SF3A1: variants seen among roughly 807,000 people sequenced by gnomAD.
SF3A1 encodes splicing factor 3a subunit 1, also known as SAP 114.
In SF3A1, 13 loss-of-function variants were observed where a neutral mutation model predicts 89.9. The observed-to-expected ratio is 0.14, with a 90% CI of 0.09 to 0.23. The LOEUF (loss-of-function observed/expected upper bound fraction) is 0.23, where lower values mean the gene tolerates loss of function less well. SF3A1 is among the 10% of genes least tolerant of loss of function. The probability of loss-of-function intolerance (pLI) is 1.00; values close to 1 mark genes in which losing one functional copy is unlikely to be tolerated. For missense variants in SF3A1, 604 were observed against 1,022.1 expected, an observed-to-expected ratio of 0.59 and a Z score of 5.58; for synonymous variants, 405 against 374.4, an observed-to-expected ratio of 1.08 and a Z score of -0.94.
chr22:30,342,490 A>C, intron 5 of SF3A1, 140 bp from the exon 6 acceptor site: 1 of 917,258 alleles, frequency 1.1e-6, no homozygotes, highest in Non-Finnish European at 1.6e-6. Context: ...TGGCATTTGC[A>C]CCTGGTTCCA....
Position 30,337,888 on chromosome 22 carries a change from G to T in SF3A1, c.1753C>A (p.Pro585Thr). 6.2e-7 allele frequency: 1 copy of T among 1,604,134 alleles called. No homozygotes were observed. Among genetic ancestry groups the T allele is most frequent in the Non-Finnish European group, 8.5e-7 (1 of 1,176,350 alleles). The change falls in exon 12 of 16, where the codon CCA becomes ACA. Residue 585 changes from proline to threonine, a missense_variant. Coordinates refer to ENST00000215793, the MANE Select transcript of SF3A1 (RefSeq NM_005877.6). ...GCGGAGACAACTGTAGTACGAACTG[G>T]AGGTGGCATCTGTGCAGGAAAGAGA... Reference protein sequence around the residue: ...SVPRPPTMPPPVRTTVVSAVP... With the variant: ...SVPRPPTMPPTVRTTVVSAVP...
intron 7 of SF3A1, among the ~76,000 whole-genome samples, chr22:30,341,228 C>A (rs543628240): frequency 6.6e-6 from 1 of 152,292 alleles, no homozygotes; most frequent in African/African-American, 2.4e-5. Context: ...AGGCTGTGCA[C>A]AAATTATTTC....
At position 30,337,705 on chromosome 22, in the gene SF3A1, TGGGGGGTG is replaced by T; in HGVS notation, c.1928_1935del (p.Pro643HisfsTer34). The T allele has an allele frequency of 2.6e-6, 1 of 391,642 alleles. No individual in the cohort carries two copies. Among genetic ancestry groups the T allele is most frequent in the Non-Finnish European group, 4.4e-6 (1 of 224,900 alleles). The allele number at this position is 391,642 out of a possible 1,614,324, so 24.3% of individuals were successfully genotyped here. A position where few individuals can be genotyped will look rare whatever the true frequency, so the allele number is the denominator to read the frequency against. On this transcript the variant is annotated frameshift_variant, in exon 12 of 16. Transcript: ENST00000215793. LOFTEE classifies it high-confidence loss of function. ...AGATACTGACCTGTTGGCACAATCA[TGGGGGGTG>T]GGCGGGGGGCCATAATAGGAGGGGC...
At chr22:30,341,126 C>T (rs1466993911) in intron 7 of SF3A1, among the ~76,000 whole-genome samples, 10 of 151,514 alleles carry the variant, frequency 6.6e-5, no homozygotes, top group Admixed American at 5.9e-4. Context: ...GGGGTGGGGG[C>T]GGCGAGTCGC....
At position 30,342,283 on chromosome 22, in the gene SF3A1, T is replaced by G; in HGVS notation, c.794A>C (p.Glu265Ala). 6.2e-7 allele frequency: 1 copy of G among 1,614,138 alleles called. No individual in the cohort carries two copies. Residue 265 changes from glutamate to alanine, a missense_variant, in exon 6 of 16, where the codon GAG becomes GCG. Glu to Ala is a moderately radical substitution (Grantham distance 107, BLOSUM62 -1). This residue lies in a region of SF3A1 where 6 missense variants were observed against 36.3 expected (regional missense o/e 0.17). Transcript: ENST00000215793. ...CTGAGCATAGGCCACCCGCTCCTTC[T>G]CCTTCTCCTCTTCTTCCTTCTTCCT... ...RERKKEEEEK[E>A]KERVAYAQID...
At chr22:30,342,931 AAG>A (rs767930563) in intron 4 of SF3A1, 52 bp from the exon 5 acceptor site, 1 of 1,194,560 alleles carries the variant, frequency 8.4e-7, no homozygotes, top group Non-Finnish European at 1.2e-6. Flanking sequence ...ACGCAGTACA[AAG>A]AGGCAGCCTT....
intron 15 of SF3A1, among the ~76,000 whole-genome samples, chr22:30,335,166 ACTGGATCAGGAACCCAC>A (rs1373119008): frequency 1.3e-5 from 2 of 152,176 alleles, no homozygotes; most frequent in East Asian, 3.9e-4. Flanking sequence ...TGGCCCAACC[ACTGGATCAGGAACCCAC>A]CAGAGCATGC....
chr22:30,355,815 T>TCCCCCCCC (rs11451197), intron 1 of SF3A1, among the ~76,000 whole-genome samples: 46 of 92,264 alleles, frequency 5.0e-4, no homozygotes, highest in African/African-American at 6.8e-4. Context: ...TCAGTCATGT[T>TCCCCCCCC]CCCCCCCCCC....
In SF3A1 at chr22:30,341,567, C is replaced by T; in HGVS notation, c.1071+125G>A. ...GCCTGGACTTGGGCAGCTGTATGGC[C>T]TTGTTCAGGACCCACGCCTCCTTTC... is the stretch of plus-strand genomic sequence containing the variant. On this transcript the variant is annotated intron_variant, in intron 7 of 15. Coordinates refer to ENST00000215793, the MANE Select transcript of SF3A1 (RefSeq NM_005877.6). The T allele has an allele frequency of 5.9e-6, 3 of 507,090 alleles. 1 individual carries two copies. The highest frequency in any genetic ancestry group is 6.1e-5 in the East Asian group (2 of 32,568). 31.4% of individuals were successfully genotyped at this position (507,090 alleles called of 1,614,324 possible).
Position 30,346,318 on chromosome 22 carries a change from G to C in SF3A1, c.387C>G (p.Pro129=). The change falls in exon 3 of 16, where the codon CCC becomes CCG. Residue 129 remains proline, a synonymous_variant. Coordinates refer to ENST00000215793, the MANE Select transcript of SF3A1 (RefSeq NM_005877.6). ...GGGGCACTGGGCTCCAAACCTTCTG[G>C]GGCAGCTGCTGCTGGGTGGTCTGCT... is the stretch of plus-strand genomic sequence containing the variant. The part of the protein sequence containing the change: ...QQQQTTQQQL[P]QKVQAQVIQE... 2.5e-6 allele frequency: 4 copies of C among 1,608,224 alleles called. No homozygotes were observed. Among genetic ancestry groups the C allele is most frequent in the Middle Eastern group, 1.7e-4 (1 of 6,026 alleles).
intron 1 of SF3A1, among the ~76,000 whole-genome samples, chr22:30,355,475 G>A (rs1238383039): frequency 1.3e-5 from 2 of 152,160 alleles, no homozygotes; most frequent in Non-Finnish European, 2.9e-5. Flanking sequence ...GGAATAGCGT[G>A]ACTGGCCTCC....
chr22:30,344,855 G>T, intron 4 of SF3A1, 78 bp downstream of exon 4: 2 of 1,516,528 alleles, frequency 1.3e-6, no homozygotes, highest in Non-Finnish European at 1.8e-6. Flanking sequence ...TGTAGACAGT[G>T]AGTGGACACA....
chr22:30,348,327 A>G (rs1425956901), intron 2 of SF3A1, among the ~76,000 whole-genome samples: 2 of 152,138 alleles, frequency 1.3e-5, no homozygotes, highest in Non-Finnish European at 2.9e-5. Flanking sequence ...TCAGACTTTC[A>G]TATCCCTGGC....
intron 2 of SF3A1, among the ~76,000 whole-genome samples, chr22:30,348,237 G>A (rs1601698366): frequency 6.6e-6 from 1 of 152,304 alleles, no homozygotes; most frequent in East Asian, 1.9e-4. Context: ...CTCCTCTGGC[G>A]AGAACCTTGT....
chr22:30,334,492 A>T lies in SF3A1; in HGVS notation c.*102T>A. 1 of 683,444 alleles carries T rather than the reference A, an allele frequency of 1.5e-6. No homozygotes were observed. Among genetic ancestry groups the T allele is most frequent in the South Asian group, 2.0e-5 (1 of 48,972 alleles). 42.3% of individuals were successfully genotyped at this position (683,444 alleles called of 1,614,324 possible). ...CAAACTGAGTAAGAGCGAAACAAAT[A>T]TGCAGGCAAGGCAAAGCCTCAGGGG... On this transcript the variant is annotated 3_prime_UTR_variant, in exon 16 of 16. Coordinates refer to ENST00000215793, the MANE Select transcript of SF3A1 (RefSeq NM_005877.6).
chr22:30,333,529 TAACAGCC>T lies in SF3A1; in HGVS notation c.*1058_*1064del, dbSNP rs1930976280. 1.3e-5 allele frequency: 2 copies of T among 152,234 alleles called. No individual in the cohort carries two copies. The highest frequency in any genetic ancestry group is 4.8e-5 in the African/African-American group (2 of 41,452). 9.4% of individuals were successfully genotyped at this position (152,234 alleles called of 1,614,324 possible). A position where few individuals can be genotyped will look rare whatever the true frequency, so the allele number is the denominator to read the frequency against. On this transcript the variant is annotated 3_prime_UTR_variant, in exon 16 of 16. Transcript: ENST00000215793. ...CCCTGTGATAGCTTGATTCTAAAGA[TAACAGCC>T]TGCCTTTACTCAGAAACCAGGACTG...
At chr22:30,353,185 C>A (rs1336552864) in intron 1 of SF3A1, 113 bp from the exon 2 acceptor site, 15 of 1,360,900 alleles carry the variant, frequency 1.1e-5, no homozygotes, top group Non-Finnish European at 1.4e-5. Flanking sequence ...CACAGACTTC[C>A]CTCAGGTTAG....
chr22:30,337,297 G>A, intron 12 of SF3A1, 117 bp from the exon 13 acceptor site: 1 of 1,002,120 alleles, frequency 1.0e-6, no homozygotes, highest in Non-Finnish European at 1.4e-6. Flanking sequence ...GGTGTCAAGT[G>A]CTGTTCCCTG....
At position 30,356,739 on chromosome 22, in the gene SF3A1, C is replaced by T. The variant is rs1462295168; in HGVS notation, c.54G>A (p.Glu18=). ...AVPPPPPVPT[E]PKQPTEEEAS... ...GGCGGGGGAGAGGTACCTGTTTGGG[C>T]TCCGTGGGCACGGGCGGCGGCGGGG... The change falls in exon 1 of 16, where the codon GAG becomes GAA. Residue 18 remains glutamate, a synonymous_variant. Transcript: ENST00000215793. 5.3e-6 allele frequency: 8 copies of T among 1,496,124 alleles called. No individual in the cohort carries two copies. Among genetic ancestry groups the T allele is most frequent in the Non-Finnish European group, 7.1e-6 (8 of 1,119,006 alleles). 92.7% of individuals were successfully genotyped at this position (1,496,124 alleles called of 1,614,324 possible).
Sources: gnomAD v4.1 joint callset for allele counts (sites outside exome capture counted in the v4.1 genomes callset) on GRCh38, gnomAD v4.1.1 for gene constraint, gnomAD v4.1.1 regional missense constraint, MANE v1.5 for transcripts, NCBI Gene and HGNC (gene_info 2026-07-23, HGNC 2026-07-21) for gene names.